Variants in LINGO2 observed in about 807,000 individuals in gnomAD.
The protein encoded by LINGO2 is leucine rich repeat and Ig domain containing 2, also known as leucine-rich repeat and immunoglobulin-like domain-containing nogo receptor-interacting protein 2.
LINGO2 carries 14 observed loss-of-function variants against 30.6 expected under a neutral mutation model. The observed-to-expected ratio is 0.46, with a 90% CI of 0.30 to 0.72. LINGO2 has a LOEUF of 0.72. Among genes scored for constraint, LINGO2 ranks in the 30% least tolerant of loss-of-function variants. The pLI is 0.07. For synonymous variants in LINGO2, 317 were observed against 288.5 expected, an observed-to-expected ratio of 1.10 and a Z score of -1.00; for missense variants, 729 against 751.7, an observed-to-expected ratio of 0.97 and a Z score of 0.35.
At chr9:28,831,251 A>T in the LINGO2 span, among the ~76,000 whole-genome samples, 1 of 152,342 alleles carries the variant, frequency 6.6e-6, no homozygotes, top group African/African-American at 2.4e-5. Flanking sequence ...GTAAGTTTAC[A>T]GGGAGTTTTA....
intron 1 of LINGO2, among the ~76,000 whole-genome samples, chr9:28,593,563 A>G (rs1183124570): frequency 6.6e-6 from 1 of 152,082 alleles, no homozygotes; most frequent in Non-Finnish European, 1.5e-5. Context: ...GTTCCCCATA[A>G]AAGGTCTGAC....
At chr9:28,065,664 G>A (rs1006278566) in intron 4 of LINGO2, among the ~76,000 whole-genome samples, 3 of 152,118 alleles carry the variant, frequency 2.0e-5, no homozygotes, top group Non-Finnish European at 4.4e-5. Flanking sequence ...CAGATTTTGA[G>A]AGTCTTTCAG....
chr9:28,384,326 G>T (rs1415891264), intron 2 of LINGO2, among the ~76,000 whole-genome samples: 2 of 63,106 alleles, frequency 3.2e-5, no homozygotes, highest in South Asian at 5.3e-4. Context: ...TCCATGTTAT[G>T]CACTATATAT....
intron 1 of LINGO2, among the ~76,000 whole-genome samples, chr9:28,631,058 A>G (rs1826914174): frequency 6.6e-6 from 1 of 152,124 alleles, no homozygotes; most frequent in African/African-American, 2.4e-5. Flanking sequence ...ATGTAAATCT[A>G]TAATTATTTA....
intron 3 of LINGO2, among the ~76,000 whole-genome samples, chr9:28,368,926 C>G (rs954828286): frequency 6.6e-6 from 1 of 152,118 alleles, no homozygotes; most frequent in African/African-American, 2.4e-5. Flanking sequence ...CTAAACTGAT[C>G]TTAGGATTTG....
the LINGO2 span, among the ~76,000 whole-genome samples, chr9:29,059,441 A>G: frequency 6.6e-6 from 1 of 151,196 alleles, no homozygotes; most frequent in Non-Finnish European, 1.5e-5. Context: ...ATAAATAAAT[A>G]AAAAAGAACT....
At chr9:28,522,048 A>C (rs1564263600) in intron 1 of LINGO2, among the ~76,000 whole-genome samples, 2 of 152,188 alleles carry the variant, frequency 1.3e-5, no homozygotes, top group African/African-American at 4.8e-5. Context: ...ATAAATTTCT[A>C]TTTTTTAAGT....
intron 1 of LINGO2, among the ~76,000 whole-genome samples, chr9:28,602,966 GA>G (rs1367801010): frequency 6.6e-6 from 1 of 152,018 alleles, no homozygotes; most frequent in African/African-American, 2.4e-5. Flanking sequence ...ATAGAGTATA[GA>G]AAGCAGTTGT....
At chr9:28,526,051 G>T (rs558441223) in intron 1 of LINGO2, among the ~76,000 whole-genome samples, 4 of 23,784 alleles carry the variant, frequency 1.7e-4, no homozygotes, top group East Asian at 1.6e-3. Flanking sequence ...GCGAGACTCC[G>T]TCTCAAAAAA....
At chr9:28,658,759 G>C (rs921523758) in intron 1 of LINGO2, among the ~76,000 whole-genome samples, 2 of 151,876 alleles carry the variant, frequency 1.3e-5, no homozygotes, top group Admixed American at 1.3e-4. Flanking sequence ...CTGTATTTTG[G>C]AGTAATCACA....
At chr9:28,380,946 A>G (rs554444403) in intron 2 of LINGO2, among the ~76,000 whole-genome samples, 65 of 152,170 alleles carry the variant, frequency 4.3e-4, no homozygotes, top group African/African-American at 1.5e-3. Flanking sequence ...GGGTATAACT[A>G]CGGGCTTGCC....
intron 5 of LINGO2, among the ~76,000 whole-genome samples, chr9:27,997,290 G>A (rs137892392): frequency 6.6e-6 from 1 of 152,244 alleles, no homozygotes; most frequent in East Asian, 1.9e-4. Flanking sequence ...ATTAATTGAG[G>A]GTCAAGCTGT....
chr9:28,383,336 T>A (rs961468328), intron 2 of LINGO2, among the ~76,000 whole-genome samples: 1 of 151,686 alleles, frequency 6.6e-6, no homozygotes, highest in African/African-American at 2.4e-5. Context: ...CTGTATATAG[T>A]CCCTCTCTAT....
intron 4 of LINGO2, among the ~76,000 whole-genome samples, chr9:28,062,749 A>C (rs866805520): frequency 1.3e-5 from 2 of 150,762 alleles, no homozygotes; most frequent in Middle Eastern, 7.0e-3. Flanking sequence ...ATTGAGATAT[A>C]ATTCACATAT....
intron 1 of LINGO2, among the ~76,000 whole-genome samples, chr9:28,623,043 T>C (rs1207957061): frequency 6.6e-6 from 1 of 152,002 alleles, no homozygotes; most frequent in East Asian, 1.9e-4. Flanking sequence ...GATTATTAGA[T>C]TTTTTTCCTA....
At chr9:28,535,274 T>C (rs988526485) in intron 1 of LINGO2, among the ~76,000 whole-genome samples, 1 of 152,174 alleles carries the variant, frequency 6.6e-6, no homozygotes, top group Non-Finnish European at 1.5e-5. Context: ...GGACATAATC[T>C]AATTCAAAGG....
At chr9:29,091,407 A>AAT in the LINGO2 span, among the ~76,000 whole-genome samples, 2 of 125,526 alleles carry the variant, frequency 1.6e-5, no homozygotes, top group African/African-American at 6.6e-5. Context: ...TTTCAAAAAA[A>AAT]ATTTTTTTGC....
intron 4 of LINGO2, among the ~76,000 whole-genome samples, chr9:28,029,571 CCTT>C (rs1823559677): frequency 6.6e-6 from 1 of 151,488 alleles, no homozygotes; most frequent in African/African-American, 2.4e-5. Context: ...ACATTTATAT[CCTT>C]CTAACCGTCA....
intron 4 of LINGO2, among the ~76,000 whole-genome samples, chr9:28,175,407 A>G (rs950420132): frequency 3.3e-5 from 5 of 152,076 alleles, no homozygotes; most frequent in Admixed American, 1.3e-4. Context: ...AGCTCTCACA[A>G]CTTCCTCTCA....
Sources: allele counts gnomAD v4.1 joint callset (sites outside exome capture counted in the v4.1 genomes callset), GRCh38; gene constraint gnomAD v4.1.1; transcripts MANE v1.5; gene names NCBI Gene and HGNC (gene_info 2026-07-23, HGNC 2026-07-21).